ARID1B: variants seen among roughly 807,000 people sequenced by gnomAD.
ARID1B encodes AT-rich interactive domain-containing protein 1B.
ARID1B carries 30 observed loss-of-function variants against 212.3 expected under a neutral mutation model. The observed-to-expected ratio is 0.14, with a 90% CI of 0.11 to 0.19. The LOEUF is 0.19. Ranked by LOEUF, ARID1B falls within the 10% of genes least tolerant of loss-of-function variation. The pLI is 1.00. For missense variants in ARID1B, 2,891 were observed against 3,204.0 expected (o/e 0.90, Z 2.36); for synonymous variants, 1,402 against 1,301.7 (o/e 1.08, Z -1.66).
chr6:156,897,191 A>ACTGCTGCTGCTGCTGCTG (rs576037969), intron 2 of ARID1B, among the ~76,000 whole-genome samples: 3 of 112,044 alleles, frequency 2.7e-5, no homozygotes, highest in Admixed American at 8.6e-5. Flanking sequence ...TGCTGCTGCT[A>ACTGCTGCTGCTGCTGCTG]CTGCTGCTGC....
chr6:157,189,567 T>A (rs1793211283), intron 13 of ARID1B, 75 bp from the exon 14 acceptor site: 1 of 1,478,850 alleles, frequency 6.8e-7, no homozygotes, highest in South Asian at 1.3e-5. Context: ...TTCATCTGTA[T>A]AACTAGCAAG....
chr6:156,819,774 C>T (rs985710324), intron 1 of ARID1B, among the ~76,000 whole-genome samples: 6 of 152,144 alleles, frequency 3.9e-5, no homozygotes, highest in African/African-American at 1.2e-4. Context: ...GGATCCTGCC[C>T]GGGCCTGGAG....
chr6:157,053,721 A>G (rs1782752701), intron 4 of ARID1B, among the ~76,000 whole-genome samples: 1 of 152,176 alleles, frequency 6.6e-6, no homozygotes, highest in South Asian at 2.1e-4. Context: ...GCTTACGTGT[A>G]TAATATCAAG....
At chr6:157,092,431 T>C (rs1785336944) in intron 5 of ARID1B, among the ~76,000 whole-genome samples, 2 of 152,216 alleles carry the variant, frequency 1.3e-5, no homozygotes, top group Non-Finnish European at 2.9e-5. Context: ...AGATTCCCCA[T>C]TGCTGTCTGG....
chr6:157,156,032 A>G (rs1053835495), intron 8 of ARID1B, among the ~76,000 whole-genome samples: 4 of 152,170 alleles, frequency 2.6e-5, no homozygotes, highest in East Asian at 1.9e-4. Context: ...GTATGATGCA[A>G]TTCTGCTGAT....
At chr6:156,905,257 C>G (rs1325887128) in intron 3 of ARID1B, among the ~76,000 whole-genome samples, 2 of 151,514 alleles carry the variant, frequency 1.3e-5, no homozygotes, top group Non-Finnish European at 2.9e-5. Flanking sequence ...CACGCACACA[C>G]ACACACACAC....
At chr6:157,090,061 A>T (rs1785184541) in intron 5 of ARID1B, among the ~76,000 whole-genome samples, 2 of 152,222 alleles carry the variant, frequency 1.3e-5, no homozygotes, top group Admixed American at 6.5e-5. Flanking sequence ...TTGCCAGAAG[A>T]TTCTGCGGAT....
intron 12 of ARID1B, among the ~76,000 whole-genome samples, chr6:157,181,390 G>T (rs1444842051): frequency 6.6e-6 from 1 of 152,122 alleles, no homozygotes; most frequent in Non-Finnish European, 1.5e-5. Context: ...ACCTCAGCAG[G>T]TCATGTTCTT....
intron 3 of ARID1B, among the ~76,000 whole-genome samples, chr6:156,933,572 T>C (rs960627737): frequency 2.0e-5 from 3 of 152,250 alleles, no homozygotes; most frequent in Non-Finnish European, 4.4e-5. Context: ...ACAAGCTTAA[T>C]TGTCACCCTC....
At chr6:157,084,206 A>G (rs1005983042) in intron 4 of ARID1B, among the ~76,000 whole-genome samples, 2 of 151,828 alleles carry the variant, frequency 1.3e-5, no homozygotes, top group African/African-American at 2.4e-5. Flanking sequence ...TTACATTACA[A>G]TATCCTAGTT....
At chr6:156,882,288 CCT>C (rs1787163751) in intron 2 of ARID1B, among the ~76,000 whole-genome samples, 1 of 152,146 alleles carries the variant, frequency 6.6e-6, no homozygotes, top group African/African-American at 2.4e-5. Context: ...GGCCAGCCTG[CCT>C]CTCTGCTGTG....
At chr6:157,178,591 AT>A (rs1435526447) in intron 11 of ARID1B, among the ~76,000 whole-genome samples, 2 of 152,226 alleles carry the variant, frequency 1.3e-5, no homozygotes, top group East Asian at 3.8e-4. Context: ...AGTTTCCTAC[AT>A]TATGGTGCCA....
intron 4 of ARID1B, among the ~76,000 whole-genome samples, chr6:156,954,179 T>G (rs1324335026): frequency 6.6e-6 from 1 of 152,084 alleles, no homozygotes; most frequent in Non-Finnish European, 1.5e-5. Context: ...GGAACTAAGC[T>G]TTTAAAATAT....
chr6:156,969,236 T>C (rs1776750825), intron 4 of ARID1B, among the ~76,000 whole-genome samples: 1 of 152,230 alleles, frequency 6.6e-6, no homozygotes, highest in Non-Finnish European at 1.5e-5. Context: ...AGGAGATTTG[T>C]GTTTGTGTGT....
chr6:157,161,367 G>A (rs1057174201), intron 8 of ARID1B, among the ~76,000 whole-genome samples: 1 of 151,278 alleles, frequency 6.6e-6, no homozygotes, highest in Non-Finnish European at 1.5e-5. Context: ...CACGCTGGTG[G>A]ATTAGCCACA....
intron 1 of ARID1B, among the ~76,000 whole-genome samples, chr6:156,815,925 A>T (rs1351283915): frequency 6.6e-6 from 1 of 152,200 alleles, no homozygotes; most frequent in Non-Finnish European, 1.5e-5. Flanking sequence ...TTTAAAAAAC[A>T]TTGCCCAGGC....
chr6:157,004,890 C>CTTTTTTGTTTTTTTTTTTTTTTT (rs1779118895), intron 4 of ARID1B, among the ~76,000 whole-genome samples: 6 of 35,688 alleles, frequency 1.7e-4, no homozygotes, highest in South Asian at 1.9e-3. Context: ...TTTTCTTCTT[C>CTTTTTTGTTTTTTTTTTTTTTTT]TTTTTTCTTT....
At chr6:157,102,604 C>CTTTTTT (rs35977420) in intron 5 of ARID1B, among the ~76,000 whole-genome samples, 1 of 66,250 alleles carries the variant, frequency 1.5e-5, no homozygotes, top group Admixed American at 2.1e-4. Context: ...CTGAGTGGTT[C>CTTTTTT]TTTTTTTTTT....
At chr6:156,845,321 G>C (rs918045737) in intron 2 of ARID1B, among the ~76,000 whole-genome samples, 1 of 152,154 alleles carries the variant, frequency 6.6e-6, no homozygotes, top group Non-Finnish European at 1.5e-5. Flanking sequence ...TCGGAGTAAA[G>C]CATCCCTTAA....
Sources: allele counts gnomAD v4.1 joint callset (sites outside exome capture counted in the v4.1 genomes callset), GRCh38; gene constraint gnomAD v4.1.1; transcripts MANE v1.5; gene names NCBI Gene and HGNC (gene_info 2026-07-23, HGNC 2026-07-21).